SUFU: variants seen among roughly 807,000 people sequenced by gnomAD.
SUFU encodes the protein SUFU negative regulator of hedgehog signaling, also known as suppressor of fused homolog.
A neutral mutation model predicts 58.9 loss-of-function variants in SUFU; 7 were observed. That is an observed-to-expected ratio of 0.12 (90% CI 0.07 to 0.22). SUFU has a LOEUF of 0.22. Among genes scored for constraint, SUFU ranks in the 10% least tolerant of loss-of-function variants. The probability of loss-of-function intolerance (pLI) is 1.00; values close to 1 mark genes in which losing one functional copy is unlikely to be tolerated. For missense variants in SUFU, 451 were observed against 641.3 expected (o/e 0.70, Z 3.20); for synonymous variants, 232 against 254.8 (o/e 0.91, Z 0.85).
At chr10:102,607,068 T>TC (rs2135908448) in intron 8 of SUFU, among the ~76,000 whole-genome samples, 1 of 151,816 alleles carries the variant, frequency 6.6e-6, no homozygotes, top group South Asian at 2.1e-4. Context: ...TAATTTTTTT[T>TC]TTTTTTTTGA....
chr10:102,597,067 T>C, intron 6 of SUFU, 73 bp from the exon 7 acceptor site: 1 of 1,570,064 alleles, frequency 6.4e-7, no homozygotes, highest in Non-Finnish European at 8.8e-7. Context: ...GTAAGAGCAG[T>C]GGCTGAAAGG....
intron 7 of SUFU, among the ~76,000 whole-genome samples, chr10:102,599,178 G>A (rs1233354739): frequency 2.0e-5 from 3 of 152,120 alleles, no homozygotes; most frequent in Non-Finnish European, 1.5e-5. Flanking sequence ...GGTGGAGAGC[G>A]CTCTTCTGAA....
rs572194609 is a variant in SUFU at position 102,603,307 on chromosome 10, A to G, written c.1022+3763A>G. The stretch of plus-strand genomic sequence containing the variant: ...CTCCCAAAATGCTGGGACTACAGGC[A>G]TGAGCCACCACACCTGGCCTGTATT... On this transcript the variant is annotated intron_variant, in intron 8 of 11. Transcript: ENST00000369902. Among the ~76,000 whole-genome samples the G allele has an allele frequency of 1.6e-4, 24 of 152,248 alleles. No homozygotes were observed. The South Asian group carries it at 3.9e-3, about 25-fold the overall frequency.
chr10:102,612,217 ATGTG>A (rs56149900), intron 8 of SUFU, among the ~76,000 whole-genome samples: 2 of 146,012 alleles, frequency 1.4e-5, no homozygotes, highest in Non-Finnish European at 3.0e-5. Context: ...GTGCACGCGC[ATGTG>A]TGTGTGTGTG....
At chr10:102,623,706 A>G (rs193102136) in intron 10 of SUFU, among the ~76,000 whole-genome samples, 28 of 152,152 alleles carry the variant, frequency 1.8e-4, no homozygotes, top group African/African-American at 6.8e-4. Context: ...TTGGGAGGCC[A>G]AGGCGGATGG....
At chr10:102,537,250 G>C (rs1293513970) in intron 2 of SUFU, among the ~76,000 whole-genome samples, 4 of 147,940 alleles carry the variant, frequency 2.7e-5, no homozygotes. Flanking sequence ...TTCTGCTACA[G>C]ACTCCGAGTA....
intron 9 of SUFU, among the ~76,000 whole-genome samples, chr10:102,616,994 A>G (rs904014867): frequency 2.0e-5 from 3 of 152,170 alleles, no homozygotes; most frequent in Admixed American, 1.3e-4. Context: ...CAATTTTCCT[A>G]AGGGAGGTGA....
chr10:102,584,558 C>G (rs2063317616), intron 3 of SUFU, among the ~76,000 whole-genome samples: 2 of 152,134 alleles, frequency 1.3e-5, no homozygotes, highest in African/African-American at 4.8e-5. Context: ...CTCTTTGACC[C>G]TTGTTTATTT....
upstream of SUFU, chr10:102,503,872 T>C (rs2062281206): frequency 4.7e-6 from 2 of 422,808 alleles, no homozygotes; most frequent in Non-Finnish European, 8.4e-6. Flanking sequence ...ACACCTTCCC[T>C]GCCTGTGACT....
chr10:102,630,416 T>A lies in SUFU; in HGVS notation c.*261T>A. ...TGAGTGGGCAAATGCGGACCCTCCC[T>A]GCCTGCAGCCTGCACAGATTCTGGT... On this transcript the variant is annotated 3_prime_UTR_variant, in exon 12 of 12. Coordinates refer to ENST00000369902, the MANE Select transcript of SUFU (RefSeq NM_016169.4). 1.9e-6 allele frequency: 1 copy of A among 534,022 alleles called. No individual in the cohort carries two copies. The highest frequency in any genetic ancestry group is 3.2e-5 in the East Asian group (1 of 30,976). 33.1% of individuals were successfully genotyped at this position (534,022 alleles called of 1,614,324 possible).
At chr10:102,509,447 C>T in intron 2 of SUFU, 144 bp downstream of exon 2, 2 of 1,188,346 alleles carry the variant, frequency 1.7e-6, no homozygotes, top group Non-Finnish European at 2.5e-6. Context: ...CTACTCATGC[C>T]AAGGTGGTCC....
At chr10:102,595,820 C>A (rs2063455394) in intron 6 of SUFU, among the ~76,000 whole-genome samples, 1 of 152,220 alleles carries the variant, frequency 6.6e-6, no homozygotes. Flanking sequence ...AAGCTCTACA[C>A]TAACCAGCTG....
chr10:102,537,620 A>G lies in SUFU; in HGVS notation c.318-12350A>G, dbSNP rs937586971. On this transcript the variant is annotated intron_variant, in intron 2 of 11. Coordinates refer to ENST00000369902, the MANE Select transcript of SUFU (RefSeq NM_016169.4). ...TATTTCTGTCTCTATGAATGTGACT[A>G]CTCTGGGTACTTCATATAAGTGGAA... Among the ~76,000 whole-genome samples the G allele has an allele frequency of 6.6e-5, 10 of 151,694 alleles. No homozygotes were observed. The East Asian group carries it at 9.7e-4, about 15-fold the overall frequency.
chr10:102,587,512 A>G (rs2063346627), intron 3 of SUFU, among the ~76,000 whole-genome samples: 1 of 152,158 alleles, frequency 6.6e-6, no homozygotes, highest in Non-Finnish European at 1.5e-5. Context: ...TTGTTTTGAG[A>G]CGAAGTCTTG....
At chr10:102,611,378 A>C (rs1174798237) in intron 8 of SUFU, among the ~76,000 whole-genome samples, 1 of 152,180 alleles carries the variant, frequency 6.6e-6, no homozygotes, top group Non-Finnish European at 1.5e-5. Flanking sequence ...AGTAGAGCAA[A>C]GGCCTCAGTG....
intron 3 of SUFU, chr10:102,573,084 G>T (rs547332189): frequency 7.7e-6 from 6 of 781,858 alleles, no homozygotes; most frequent in East Asian, 4.9e-5. Context: ...GTCTTGGGCC[G>T]CTGGAAGGTA....
intron 2 of SUFU, among the ~76,000 whole-genome samples, chr10:102,519,949 T>G (rs1257634374): frequency 6.6e-6 from 1 of 151,642 alleles, no homozygotes; most frequent in Non-Finnish European, 1.5e-5. Flanking sequence ...TTTTTGTATT[T>G]TTAGTAGAGA....
chr10:102,552,540 A>G (rs971938779), intron 3 of SUFU, among the ~76,000 whole-genome samples: 2 of 152,158 alleles, frequency 1.3e-5, no homozygotes, highest in South Asian at 2.1e-4. Flanking sequence ...GTTTAAATGC[A>G]TTGTTGATCC....
chr10:102,593,919 C>T, intron 5 of SUFU, 74 bp from the exon 6 acceptor site: 2 of 1,566,664 alleles, frequency 1.3e-6, no homozygotes, highest in Non-Finnish European at 1.8e-6. Flanking sequence ...GGGCAGCAAA[C>T]AGGGCAGGCT....
Sources: allele counts gnomAD v4.1 joint callset (sites outside exome capture counted in the v4.1 genomes callset), GRCh38; gene constraint gnomAD v4.1.1; transcripts MANE v1.5; gene names NCBI Gene and HGNC (gene_info 2026-07-23, HGNC 2026-07-21).